The following DMD variants were observed in gnomAD, a reference collection of about 807,000 sequenced individuals.
DMD encodes the protein dystrophin, also known as mutant dystrophin.
In DMD, 63 loss-of-function variants were observed where a neutral mutation model predicts 330.1. The observed-to-expected ratio is 0.19, with a 90% confidence interval of 0.16 to 0.24. The LOEUF is 0.24. Ranked by LOEUF, DMD falls within the 10% of genes least tolerant of loss-of-function variation. The probability of loss-of-function intolerance (pLI) is 1.00; values close to 1 mark genes in which losing one functional copy is unlikely to be tolerated. For synonymous variants in DMD, 1,223 were observed against 959.8 expected, an observed-to-expected ratio of 1.27 and a Z score of -5.07; for missense variants, 3,344 against 2,684.1, an observed-to-expected ratio of 1.25 and a Z score of -5.43.
chrX:32,610,933 G>C (rs1320321018), intron 12 of DMD, among the ~76,000 whole-genome samples: 2 of 111,149 alleles, frequency 1.8e-5, no homozygotes, highest in East Asian at 5.7e-4. Context: ...GCTTTAGTTT[G>C]AACTCAGTTA....
chrX:33,270,027 T>G (rs780210931), intron 1 of DMD, among the ~76,000 whole-genome samples: 7 of 110,316 alleles, frequency 6.3e-5, no homozygotes, highest in Non-Finnish European at 1.3e-4. Context: ...ATAAGTGATT[T>G]AACAGGGGCA....
chrX:31,375,393 T>C (rs59512555), intron 60 of DMD, among the ~76,000 whole-genome samples: 3,196 of 111,185 alleles, frequency 0.029, 114 homozygotes, highest in African/African-American at 0.099. Context: ...CAATAATCCT[T>C]CTGCAAGCAA....
chrX:32,563,150 C>T (rs1436682167), intron 16 of DMD, among the ~76,000 whole-genome samples: 3 of 109,412 alleles, frequency 2.7e-5, no homozygotes. Flanking sequence ...ACCACCCTGG[C>T]CAACATGGTG....
intron 2 of DMD, among the ~76,000 whole-genome samples, chrX:32,873,898 T>G (rs2083186808): frequency 8.9e-6 from 1 of 112,388 alleles, no homozygotes; most frequent in African/African-American, 3.2e-5. Flanking sequence ...ACAAGTCCTT[T>G]GCAATGATCT....
chrX:33,130,557 T>A (rs1358240400), intron 1 of DMD, among the ~76,000 whole-genome samples: 7 of 106,679 alleles, frequency 6.6e-5, no homozygotes, highest in African/African-American at 2.1e-4. Flanking sequence ...TATATATATA[T>A]AAATATATAT....
At chrX:31,235,524 G>A (rs72625567) in intron 63 of DMD, among the ~76,000 whole-genome samples, 5,834 of 112,304 alleles carry the variant, frequency 0.052, 132 homozygotes, top group East Asian at 0.12. Context: ...TTCTGAAGAG[G>A]TCATGTTGTG....
intron 20 of DMD, among the ~76,000 whole-genome samples, chrX:32,490,784 A>G (rs5972581): frequency 0.056 from 6,303 of 111,749 alleles, 236 homozygotes; most frequent in African/African-American, 0.12. Context: ...CATTTTAAAA[A>G]TATCTTTTTG....
intron 2 of DMD, among the ~76,000 whole-genome samples, chrX:32,928,599 T>C (rs2089297854): frequency 8.9e-6 from 1 of 112,133 alleles, no homozygotes; most frequent in African/African-American, 3.2e-5. Context: ...TTTCATCAGG[T>C]AACCTACTTA....
intron 59 of DMD, among the ~76,000 whole-genome samples, chrX:31,473,354 T>C (rs1603200281): frequency 1.1e-5 from 1 of 94,505 alleles, no homozygotes; most frequent in Non-Finnish European, 2.1e-5. Context: ...GGTGACAGAG[T>C]GAGACTGTCT....
intron 7 of DMD, among the ~76,000 whole-genome samples, chrX:32,732,372 G>T (rs2067808860): frequency 1.8e-5 from 2 of 110,922 alleles, no homozygotes; most frequent in Admixed American, 9.6e-5. Context: ...CCCCAATCTA[G>T]CAAGGCAGGC....
chrX:31,474,582 C>A (rs1214696050), intron 59 of DMD, among the ~76,000 whole-genome samples: 2 of 106,747 alleles, frequency 1.9e-5, no homozygotes, highest in African/African-American at 6.8e-5. Context: ...TGGTGGTGGG[C>A]GCCTGTAGTC....
At chrX:32,657,399 A>T (rs771989599) in intron 9 of DMD, among the ~76,000 whole-genome samples, 1 of 112,384 alleles carries the variant, frequency 8.9e-6, no homozygotes. Flanking sequence ...TCAGAAATTT[A>T]TTAGATGGCA....
At chrX:31,756,715 C>A (rs1165823016) in intron 51 of DMD, among the ~76,000 whole-genome samples, 1 of 112,501 alleles carries the variant, frequency 8.9e-6, no homozygotes, top group Non-Finnish European at 1.9e-5. Flanking sequence ...GCATGGTAAG[C>A]ATCATGAATT....
intron 55 of DMD, among the ~76,000 whole-genome samples, chrX:31,525,861 C>A (rs1200870682): frequency 8.9e-6 from 1 of 112,450 alleles, no homozygotes; most frequent in African/African-American, 3.2e-5. Context: ...AAATAACCTT[C>A]CTTAAACCTT....
chrX:32,254,736 A>G (rs1156255378), intron 43 of DMD, among the ~76,000 whole-genome samples: 1 of 112,341 alleles, frequency 8.9e-6, no homozygotes, highest in Non-Finnish European at 1.9e-5. Context: ...CAATTGTTCC[A>G]TCTTAACCAT....
At chrX:31,958,934 A>C (rs750377078) in intron 45 of DMD, among the ~76,000 whole-genome samples, 11 of 110,255 alleles carry the variant, frequency 1.0e-4, no homozygotes, top group African/African-American at 3.6e-4. Flanking sequence ...CCATTCAGTT[A>C]CTCTCCTTTG....
At chrX:32,483,851 TCC>T (rs1347219238) in intron 21 of DMD, among the ~76,000 whole-genome samples, 1 of 104,579 alleles carries the variant, frequency 9.6e-6, no homozygotes, top group Non-Finnish European at 2.0e-5. Context: ...AAAGTATTTA[TCC>T]TTTGCTTTAT....
chrX:31,330,660 G>C (rs1014525561), intron 61 of DMD, among the ~76,000 whole-genome samples: 3 of 112,047 alleles, frequency 2.7e-5, no homozygotes, highest in African/African-American at 9.7e-5. Flanking sequence ...TCTTTATAAC[G>C]TTAAATTATA....
At chrX:33,001,513 CATT>C (rs2093277478) in intron 2 of DMD, among the ~76,000 whole-genome samples, 1 of 111,132 alleles carries the variant, frequency 9.0e-6, no homozygotes, top group Non-Finnish European at 1.9e-5. Flanking sequence ...CTCCATTTCC[CATT>C]ATTATTCAAG....
Sources: gnomAD v4.1 joint callset for allele counts (sites outside exome capture counted in the v4.1 genomes callset) on GRCh38, gnomAD v4.1.1 for gene constraint, MANE v1.5 for transcripts, NCBI Gene and HGNC (gene_info 2026-07-23, HGNC 2026-07-21) for gene names.